MYRIP: variants seen among roughly 807,000 people sequenced by gnomAD.
MYRIP encodes the protein myosin VIIA and Rab interacting protein, also known as rab effector MyRIP.
In MYRIP, 49 loss-of-function variants were observed where a neutral mutation model predicts 98.0. The observed-to-expected ratio is 0.50, with a 90% confidence interval of 0.40 to 0.63. The LOEUF is 0.63. Ranked by LOEUF, MYRIP falls within the 30% of genes least tolerant of loss-of-function variation. The probability of loss-of-function intolerance (pLI) is 0.00; values close to 1 mark genes in which losing one functional copy is unlikely to be tolerated. For synonymous variants in MYRIP, 404 were observed against 409.5 expected (o/e 0.99, Z 0.16); for missense variants, 1,004 against 1,058.2 (o/e 0.95, Z 0.71).
intron 3 of MYRIP, among the ~76,000 whole-genome samples, chr3:40,133,009 G>A (rs1448499450): frequency 6.6e-6 from 1 of 152,262 alleles, no homozygotes; most frequent in African/African-American, 2.4e-5. Flanking sequence ...TAACAAAACT[G>A]TGATAGACTG....
At chr3:39,824,120 G>C (rs904706825) in intron 1 of MYRIP, among the ~76,000 whole-genome samples, 1 of 151,970 alleles carries the variant, frequency 6.6e-6, no homozygotes. Context: ...TCCTTTCCTC[G>C]GTGAATGCTC....
chr3:40,076,627 G>T (rs1429936503), intron 3 of MYRIP, among the ~76,000 whole-genome samples: 1 of 152,194 alleles, frequency 6.6e-6, no homozygotes, highest in Non-Finnish European at 1.5e-5. Flanking sequence ...TCTGTACAAA[G>T]GGCCTGGCCC....
intron 2 of MYRIP, among the ~76,000 whole-genome samples, chr3:39,993,249 A>G (rs1559552050): frequency 6.6e-6 from 1 of 152,200 alleles, no homozygotes; most frequent in Non-Finnish European, 1.5e-5. Flanking sequence ...TCCTGAGATA[A>G]CAGCATTAAT....
chr3:40,258,428 G>A lies in MYRIP; in HGVS notation c.*262G>A, dbSNP rs1953668546. The A allele has an allele frequency of 2.2e-6, 1 of 452,882 alleles. No individual in the cohort carries two copies. Among genetic ancestry groups the A allele is most frequent in the Non-Finnish European group, 4.0e-6 (1 of 250,780 alleles). The allele number at this position is 452,882 out of a possible 1,614,324, so 28.1% of individuals were successfully genotyped here. On this transcript the variant is annotated 3_prime_UTR_variant, in exon 17 of 17. Coordinates refer to ENST00000302541, the MANE Select transcript of MYRIP (RefSeq NM_015460.4). ...ATGAAGACACTGGCTTCCAACAGCA[G>A]CGCTCCATGTTTAAGATACATATTT...
At chr3:40,207,767 AAT>A (rs1198110288) in intron 10 of MYRIP, among the ~76,000 whole-genome samples, 9 of 152,330 alleles carry the variant, frequency 5.9e-5, no homozygotes, top group African/African-American at 1.7e-4. Flanking sequence ...TATTGTTGAT[AAT>A]ATTTACTCAT....
rs369663566 is a variant in MYRIP at position 40,104,738 on chromosome 3, T to C, written c.333-46310T>C. On this transcript the variant is annotated intron_variant, in intron 3 of 16. Transcript: ENST00000302541. ...ACATACATAATTCTGTCACTGAGAT[T>C]TTTAATCCAAGACACAAAGAGACAG... 1.2e-4 allele frequency among the ~76,000 whole-genome samples: 18 copies of C among 152,332 alleles called. No individual in the cohort carries two copies. In the South Asian group the frequency reaches 1.7e-3, roughly 14 times the overall value.
At chr3:39,852,787 T>A (rs1942173487) in intron 1 of MYRIP, among the ~76,000 whole-genome samples, 1 of 149,516 alleles carries the variant, frequency 6.7e-6, no homozygotes, top group Non-Finnish European at 1.5e-5. Flanking sequence ...TCTGTTCTCC[T>A]CTTCTCCTCT....
At chr3:39,812,003 T>TAA (rs1940712511) in intron 1 of MYRIP, among the ~76,000 whole-genome samples, 1 of 152,160 alleles carries the variant, frequency 6.6e-6, no homozygotes, top group Non-Finnish European at 1.5e-5. Context: ...ATGCACAGAC[T>TAA]CTTGCCGGAA....
chr3:40,083,942 C>T (rs1220911605), intron 3 of MYRIP, among the ~76,000 whole-genome samples: 4 of 151,932 alleles, frequency 2.6e-5, no homozygotes, highest in East Asian at 1.9e-4. Context: ...TCAAGACCAT[C>T]CTGGCTAACA....
chr3:39,886,653 T>C (rs1248633354), intron 1 of MYRIP, among the ~76,000 whole-genome samples: 1 of 152,026 alleles, frequency 6.6e-6, no homozygotes, highest in Non-Finnish European at 1.5e-5. Flanking sequence ...CCTAAATATA[T>C]ATGCACCCAA....
At chr3:39,995,222 G>A (rs780235368) in intron 2 of MYRIP, among the ~76,000 whole-genome samples, 2 of 152,156 alleles carry the variant, frequency 1.3e-5, no homozygotes, top group Non-Finnish European at 2.9e-5. Context: ...GAAGGCTTCA[G>A]ATGATCAAAG....
chr3:39,968,445 G>A (rs1945495542), intron 2 of MYRIP, among the ~76,000 whole-genome samples: 1 of 152,012 alleles, frequency 6.6e-6, no homozygotes, highest in Admixed American at 6.6e-5. Context: ...ATATAGGTGT[G>A]AGCCACCACG....
intron 3 of MYRIP, among the ~76,000 whole-genome samples, chr3:40,093,696 A>G (rs986205003): frequency 1.3e-5 from 2 of 152,210 alleles, no homozygotes; most frequent in Non-Finnish European, 2.9e-5. Context: ...TTTTTCAAAC[A>G]GAAGTGAGAG....
chr3:40,073,883 A>G (rs1246273461), intron 3 of MYRIP, among the ~76,000 whole-genome samples: 1 of 152,146 alleles, frequency 6.6e-6, no homozygotes, highest in African/African-American at 2.4e-5. Context: ...CTACTCTAAC[A>G]CTAAGGACCT....
chr3:39,984,315 C>T (rs1363890187), intron 2 of MYRIP, among the ~76,000 whole-genome samples: 16 of 151,868 alleles, frequency 1.1e-4, no homozygotes, highest in African/African-American at 2.7e-4. Flanking sequence ...CATGCTGGTG[C>T]GCTGCACCCA....
intron 12 of MYRIP, among the ~76,000 whole-genome samples, chr3:40,237,876 AAAGAT>A (rs892166353): frequency 6.6e-6 from 1 of 152,254 alleles, no homozygotes; most frequent in African/African-American, 2.4e-5. Context: ...CACTTAAAAC[AAAGAT>A]ATCCTGCCCT....
At chr3:40,198,003 A>G (rs1365568431) in intron 10 of MYRIP, among the ~76,000 whole-genome samples, 3 of 152,184 alleles carry the variant, frequency 2.0e-5, no homozygotes, top group Non-Finnish European at 2.9e-5. Context: ...ACCTAGCCAC[A>G]GTATTGAATA....
At chr3:40,225,654 T>C (rs1365778842) in intron 11 of MYRIP, among the ~76,000 whole-genome samples, 1 of 152,160 alleles carries the variant, frequency 6.6e-6, no homozygotes, top group African/African-American at 2.4e-5. Context: ...GGGATTAAAA[T>C]ATCAACCATG....
At chr3:40,053,364 G>A (rs962709850) in intron 3 of MYRIP, among the ~76,000 whole-genome samples, 1 of 152,166 alleles carries the variant, frequency 6.6e-6, no homozygotes, top group Admixed American at 6.5e-5. Context: ...CTGAATCATT[G>A]TCAAAGTGAC....
Sources: gnomAD v4.1 joint callset for allele counts (sites outside exome capture counted in the v4.1 genomes callset) on GRCh38, gnomAD v4.1.1 for gene constraint, MANE v1.5 for transcripts, NCBI Gene and HGNC (gene_info 2026-07-23, HGNC 2026-07-21) for gene names.